Variants in GLIS3 observed in about 807,000 individuals in gnomAD.
GLIS3 encodes the protein GLIS family zinc finger 3, also known as zinc finger protein GLIS3.
In GLIS3, 53 loss-of-function variants were observed where a neutral mutation model predicts 78.6. That is an observed-to-expected ratio of 0.67 (90% CI 0.54 to 0.85). The LOEUF (loss-of-function observed/expected upper bound fraction) is 0.85. Ranked by LOEUF, GLIS3 falls within the 40% of genes least tolerant of loss-of-function variation. GLIS3 has a pLI of 0.00. For synonymous variants in GLIS3, 684 were observed against 509.9 expected, an observed-to-expected ratio of 1.34 and a Z score of -4.60; for missense variants, 1,703 against 1,231.1, an observed-to-expected ratio of 1.38 and a Z score of -5.74.
At chr9:4,015,942 A>G (rs896150289) in intron 4 of GLIS3, among the ~76,000 whole-genome samples, 2 of 151,830 alleles carry the variant, frequency 1.3e-5, no homozygotes, top group African/African-American at 2.4e-5. Flanking sequence ...CGTCATAACC[A>G]ACCTGGCCGT....
intron 4 of GLIS3, among the ~76,000 whole-genome samples, chr9:4,054,045 G>A (rs1223771267): frequency 6.6e-6 from 1 of 152,188 alleles, no homozygotes; most frequent in African/African-American, 2.4e-5. Flanking sequence ...GAATGAGAAA[G>A]AAGAACAAAT....
chr9:4,464,314 T>C, the GLIS3 span, among the ~76,000 whole-genome samples: 7 of 151,982 alleles, frequency 4.6e-5, no homozygotes, highest in African/African-American at 1.7e-4. Flanking sequence ...ACCATGATTT[T>C]GACAAGCAGT....
At chr9:4,441,442 T>C in the GLIS3 span, among the ~76,000 whole-genome samples, 1 of 152,358 alleles carries the variant, frequency 6.6e-6, no homozygotes, top group Admixed American at 6.5e-5. Context: ...CATTTATTGA[T>C]TTGCATATAT....
At chr9:4,075,430 G>C (rs1827964467) in intron 4 of GLIS3, among the ~76,000 whole-genome samples, 1 of 78,206 alleles carries the variant, frequency 1.3e-5, no homozygotes. Context: ...AAAAAAATTA[G>C]CTGGGCATAG....
the GLIS3 span, among the ~76,000 whole-genome samples, chr9:4,484,544 G>T: frequency 1.3e-5 from 2 of 149,474 alleles, no homozygotes; most frequent in Admixed American, 6.8e-5. Context: ...TCAGCCTCCC[G>T]GGTAGCTGGG....
chr9:4,157,296 A>T (rs1835111976), intron 2 of GLIS3, among the ~76,000 whole-genome samples: 1 of 152,118 alleles, frequency 6.6e-6, no homozygotes, highest in South Asian at 2.1e-4. Flanking sequence ...CTGCCTCCCA[A>T]ATTGGTGTGA....
intron 2 of GLIS3, among the ~76,000 whole-genome samples, chr9:4,316,041 T>A (rs1006516937): frequency 6.6e-6 from 1 of 152,216 alleles, no homozygotes; most frequent in Admixed American, 6.5e-5. Context: ...ATGATCACAA[T>A]GGAAATTTTA....
At chr9:4,375,706 T>A in the GLIS3 span, among the ~76,000 whole-genome samples, 1 of 152,236 alleles carries the variant, frequency 6.6e-6, no homozygotes, top group Admixed American at 6.5e-5. Context: ...TTTTAAAATA[T>A]GTGCACATAA....
chr9:3,968,445 A>C (rs1267965300), intron 4 of GLIS3, among the ~76,000 whole-genome samples: 1 of 152,242 alleles, frequency 6.6e-6, no homozygotes, highest in Non-Finnish European at 1.5e-5. Context: ...CACCAAATGA[A>C]ATGCTGACTA....
intron 2 of GLIS3, among the ~76,000 whole-genome samples, chr9:4,144,234 G>A (rs1834034452): frequency 6.6e-6 from 1 of 152,220 alleles, no homozygotes; most frequent in African/African-American, 2.4e-5. Flanking sequence ...GAGTCCGAAA[G>A]AGATCTGAAA....
the GLIS3 span, among the ~76,000 whole-genome samples, chr9:4,464,480 C>T: frequency 6.6e-6 from 1 of 151,956 alleles, no homozygotes; most frequent in Non-Finnish European, 1.5e-5. Flanking sequence ...CTGCAACCTC[C>T]ACCTCCTGGG....
chr9:4,124,091 C>T (rs1172809621), intron 3 of GLIS3, among the ~76,000 whole-genome samples: 1 of 152,040 alleles, frequency 6.6e-6, no homozygotes, highest in Non-Finnish European at 1.5e-5. Flanking sequence ...ATGAAATACA[C>T]AAACCAAGGC....
At chr9:4,126,587 T>A (rs978917897) in intron 2 of GLIS3, among the ~76,000 whole-genome samples, 11 of 152,174 alleles carry the variant, frequency 7.2e-5, no homozygotes, top group Admixed American at 4.6e-4. Context: ...AGTAACAATC[T>A]TTCAGTGTAG....
chr9:4,069,546 G>T (rs936848256), intron 4 of GLIS3, among the ~76,000 whole-genome samples: 1 of 152,130 alleles, frequency 6.6e-6, no homozygotes, highest in Non-Finnish European at 1.5e-5. Flanking sequence ...TGTGACTAAG[G>T]TTTCTTTTTA....
chr9:4,369,216 C>G, the GLIS3 span, among the ~76,000 whole-genome samples: 1 of 152,092 alleles, frequency 6.6e-6, no homozygotes, highest in Admixed American at 6.5e-5. Flanking sequence ...ACTCAGCCAC[C>G]ATTCTAGATC....
At chr9:4,438,990 C>T in the GLIS3 span, among the ~76,000 whole-genome samples, 1 of 152,034 alleles carries the variant, frequency 6.6e-6, no homozygotes, top group African/African-American at 2.4e-5. Flanking sequence ...ACTGTTTGAC[C>T]AACTTTTAAG....
intron 4 of GLIS3, among the ~76,000 whole-genome samples, chr9:4,028,679 A>G (rs975564762): frequency 6.6e-6 from 1 of 152,046 alleles, no homozygotes. Flanking sequence ...CTGAATCCCA[A>G]CACTATAGAT....
the GLIS3 span, among the ~76,000 whole-genome samples, chr9:4,383,179 C>G: frequency 2.6e-5 from 4 of 152,192 alleles, no homozygotes; most frequent in African/African-American, 9.6e-5. Context: ...GGCCCAAGGC[C>G]TAAGATTTCA....
chr9:4,369,914 T>G, the GLIS3 span, among the ~76,000 whole-genome samples: 804 of 152,228 alleles, frequency 5.3e-3, 12 homozygotes, highest in African/African-American at 0.018. Flanking sequence ...GAATCAGGCT[T>G]GGCAAGGTGG....
Sources: allele counts gnomAD v4.1 joint callset (sites outside exome capture counted in the v4.1 genomes callset), GRCh38; gene constraint gnomAD v4.1.1; transcripts MANE v1.5; gene names NCBI Gene and HGNC (gene_info 2026-07-23, HGNC 2026-07-21).